The following SUGCT variants were observed in gnomAD, a reference collection of about 807,000 sequenced individuals.
SUGCT encodes succinyl-CoA:glutarate CoA-transferase.
In SUGCT, 41 loss-of-function variants were observed where a neutral mutation model predicts 55.0. The observed-to-expected ratio is 0.74, with a 90% CI of 0.58 to 0.97. SUGCT has a LOEUF of 0.97. Among genes scored for constraint, SUGCT ranks in the 50% least tolerant of loss-of-function variants. SUGCT has a pLI of 0.00. For missense variants in SUGCT, 568 were observed against 547.8 expected (o/e 1.04, Z -0.37); for synonymous variants, 187 against 200.4 (o/e 0.93, Z 0.56).
chr7:40,880,607 A>T, the SUGCT span, among the ~76,000 whole-genome samples: 1 of 152,222 alleles, frequency 6.6e-6, no homozygotes, highest in Non-Finnish European at 1.5e-5. Flanking sequence ...ATGTTGAATC[A>T]TAGCTACTAT....
At chr7:40,762,631 A>T (rs576169485) in intron 13 of SUGCT, among the ~76,000 whole-genome samples, 79 of 152,290 alleles carry the variant, frequency 5.2e-4, no homozygotes, top group African/African-American at 1.7e-3. Context: ...TCCTGGTGTC[A>T]ACAGATTATT....
chr7:40,757,254 A>G (rs1788301831), intron 13 of SUGCT, among the ~76,000 whole-genome samples: 1 of 152,188 alleles, frequency 6.6e-6, no homozygotes, highest in South Asian at 2.1e-4. Flanking sequence ...TCTTTCCATC[A>G]GGCACCAGAG....
chr7:40,341,719 T>C (rs1797060597), intron 9 of SUGCT, among the ~76,000 whole-genome samples: 1 of 151,936 alleles, frequency 6.6e-6, no homozygotes, highest in Non-Finnish European at 1.5e-5. Flanking sequence ...ACTTGTAAAA[T>C]TGTGGGCTGT....
intron 8 of SUGCT, among the ~76,000 whole-genome samples, chr7:40,291,972 C>G (rs533242014): frequency 5.3e-5 from 8 of 152,208 alleles, no homozygotes; most frequent in African/African-American, 1.7e-4. Flanking sequence ...TGACATTAGC[C>G]CATGCGGAGT....
intron 5 of SUGCT, among the ~76,000 whole-genome samples, chr7:40,193,866 G>T (rs1355791126): frequency 1.3e-5 from 2 of 152,020 alleles, no homozygotes; most frequent in Non-Finnish European, 2.9e-5. Context: ...CTCCCAAAGT[G>T]CTGGGACTAT....
intron 12 of SUGCT, among the ~76,000 whole-genome samples, chr7:40,632,041 C>T (rs566437440): frequency 6.6e-5 from 10 of 152,274 alleles, no homozygotes; most frequent in South Asian, 2.1e-4. Context: ...GGAATGCTAG[C>T]GCCCCAGGAG....
intron 10 of SUGCT, among the ~76,000 whole-genome samples, chr7:40,452,632 A>G (rs1170475880): frequency 6.6e-6 from 1 of 152,178 alleles, no homozygotes; most frequent in Non-Finnish European, 1.5e-5. Context: ...ATCTTTTCTA[A>G]GCATCTGTTT....
At chr7:40,346,200 C>T (rs1346728717) in intron 9 of SUGCT, among the ~76,000 whole-genome samples, 1 of 151,786 alleles carries the variant, frequency 6.6e-6, no homozygotes, top group African/African-American at 2.4e-5. Context: ...TTAAATTATA[C>T]GTCTATTTAT....
intron 13 of SUGCT, among the ~76,000 whole-genome samples, chr7:40,816,396 T>G (rs1791672313): frequency 6.6e-6 from 1 of 152,204 alleles, no homozygotes; most frequent in African/African-American, 2.4e-5. Context: ...TTCCCCAAGT[T>G]AGCACTAGGG....
chr7:40,593,832 C>T (rs950163724), intron 12 of SUGCT, among the ~76,000 whole-genome samples: 1 of 152,118 alleles, frequency 6.6e-6, no homozygotes, highest in East Asian at 1.9e-4. Context: ...GACTGAGACT[C>T]TGTCTCACAA....
intron 9 of SUGCT, among the ~76,000 whole-genome samples, chr7:40,400,333 C>T (rs934608588): frequency 6.6e-6 from 1 of 152,088 alleles, no homozygotes; most frequent in Non-Finnish European, 1.5e-5. Context: ...CCAAGCTGTA[C>T]AAGAAGCATG....
chr7:40,775,121 G>C (rs757281713), intron 13 of SUGCT, among the ~76,000 whole-genome samples: 1 of 152,058 alleles, frequency 6.6e-6, no homozygotes, highest in Non-Finnish European at 1.5e-5. Context: ...GCTTTTATTT[G>C]AGAGTCATTC....
the SUGCT span, among the ~76,000 whole-genome samples, chr7:40,936,006 A>G: frequency 6.6e-6 from 1 of 152,120 alleles, no homozygotes; most frequent in East Asian, 1.9e-4. Context: ...AATGTATTAT[A>G]CCGTTTTCAT....
chr7:41,023,927 C>G, the SUGCT span, among the ~76,000 whole-genome samples: 1 of 152,000 alleles, frequency 6.6e-6, no homozygotes, highest in Non-Finnish European at 1.5e-5. Flanking sequence ...GAATTGCAGC[C>G]CAAAGCATCC....
chr7:40,928,797 C>T, the SUGCT span, among the ~76,000 whole-genome samples: 1 of 152,014 alleles, frequency 6.6e-6, no homozygotes, highest in Non-Finnish European at 1.5e-5. Context: ...ACTGGGATTT[C>T]ACCATGTTGG....
intron 12 of SUGCT, among the ~76,000 whole-genome samples, chr7:40,743,466 A>T (rs1297231589): frequency 6.6e-6 from 1 of 152,212 alleles, no homozygotes; most frequent in Non-Finnish European, 1.5e-5. Flanking sequence ...GGCACTGGGC[A>T]TATAGCAGGG....
intron 12 of SUGCT, among the ~76,000 whole-genome samples, chr7:40,689,018 A>G (rs1784578542): frequency 6.6e-6 from 1 of 152,324 alleles, no homozygotes; most frequent in East Asian, 1.9e-4. Flanking sequence ...TAGGTTTTAC[A>G]TTGACTATTG....
At chr7:40,400,127 A>C (rs1461441687) in intron 9 of SUGCT, among the ~76,000 whole-genome samples, 1 of 152,102 alleles carries the variant, frequency 6.6e-6, no homozygotes, top group Non-Finnish European at 1.5e-5. Flanking sequence ...CAGTTTGCTA[A>C]GTTTTTTTTT....
intron 1 of SUGCT, among the ~76,000 whole-genome samples, chr7:40,161,026 C>T (rs1584221721): frequency 6.6e-6 from 1 of 152,020 alleles, no homozygotes; most frequent in African/African-American, 2.4e-5. Flanking sequence ...TATGGCTAGG[C>T]CACTTTAAAG....
Sources: gnomAD v4.1 joint callset for allele counts (sites outside exome capture counted in the v4.1 genomes callset) on GRCh38, gnomAD v4.1.1 for gene constraint, MANE v1.5 for transcripts, NCBI Gene and HGNC (gene_info 2026-07-23, HGNC 2026-07-21) for gene names.